Variants in ADHFE1 observed in about 807,000 individuals in gnomAD.
ADHFE1 encodes the protein alcohol dehydrogenase iron containing 1.
In ADHFE1, 37 loss-of-function variants were observed where a neutral mutation model predicts 54.8. The ratio of observed to expected loss-of-function variants is 0.68; its 90% CI spans 0.52 to 0.89. The LOEUF is 0.89. Ranked by LOEUF, ADHFE1 falls within the 40% of genes least tolerant of loss-of-function variation. ADHFE1 has a pLI of 0.00. For synonymous variants in ADHFE1, 203 were observed against 229.3 expected (o/e 0.89, Z 1.04); for missense variants, 601 against 591.2 (o/e 1.02, Z -0.17).
At chr8:66,460,593 C>A (rs1257940166) in intron 13 of ADHFE1, 128 bp downstream of exon 13, 6 of 1,090,174 alleles carry the variant, frequency 5.5e-6, no homozygotes, top group Non-Finnish European at 7.7e-6. Flanking sequence ...GTCTCCTCCA[C>A]AGCAGACAGC....
At chr8:66,433,216 G>A (rs1239126598) in intron 1 of ADHFE1, among the ~76,000 whole-genome samples, 1 of 152,174 alleles carries the variant, frequency 6.6e-6, no homozygotes, top group Non-Finnish European at 1.5e-5. Flanking sequence ...GTCTGCCTGG[G>A]AAACATGGAA....
At chr8:66,433,021 C>A in intron 1 of ADHFE1, 1 of 475,558 alleles carries the variant, frequency 2.1e-6, no homozygotes, top group Non-Finnish European at 2.8e-6. Flanking sequence ...GGGGACGAGG[C>A]TAAAACCGGC....
At chr8:66,435,569 C>G (rs1453888076) in intron 1 of ADHFE1, among the ~76,000 whole-genome samples, 1 of 149,378 alleles carries the variant, frequency 6.7e-6, no homozygotes, top group Non-Finnish European at 1.5e-5. Flanking sequence ...AGGGCCCACA[C>G]AGATCATCCA....
At chr8:66,445,090 G>C in intron 5 of ADHFE1, 128 bp from the exon 6 acceptor site, 1 of 898,670 alleles carries the variant, frequency 1.1e-6, no homozygotes, top group Non-Finnish European at 1.6e-6. Context: ...AACAGAATGA[G>C]ACTCCGTCTC....
chr8:66,439,585 G>T lies in ADHFE1; in HGVS notation c.60-577G>T, dbSNP rs370851456. Reference sequence around the variant, plus strand: ...CTCTGGGGAGCGGCGCGGCGGGGACGGAGGAGAGCTCGGAGCCCGGGGCTG... The same window carrying T: ...CTCTGGGGAGCGGCGCGGCGGGGACTGAGGAGAGCTCGGAGCCCGGGGCTG... On this transcript the variant is annotated intron_variant, in intron 1 of 13. Transcript: ENST00000396623. The surrounding 1 kb of genome is among the most constrained non-coding windows in gnomAD (Gnocchi z 4.4). The T allele has an allele frequency of 5.4e-5, 53 of 985,928 alleles. No individual in the cohort carries two copies. In the African/African-American group the frequency reaches 8.2e-4, roughly 15 times the overall value. The allele number at this position is 985,928 out of a possible 1,614,324, so 61.1% of individuals were successfully genotyped here. A position where few individuals can be genotyped will look rare whatever the true frequency, so the allele number is the denominator to read the frequency against.
chr8:66,453,830 C>T, intron 9 of ADHFE1: 1 of 1,482,714 alleles, frequency 6.7e-7, no homozygotes, highest in Non-Finnish European at 9.1e-7. Flanking sequence ...ATCACATGAG[C>T]AGCTGACAGC....
At chr8:66,441,680 T>G (rs1206661318) in intron 2 of ADHFE1, among the ~76,000 whole-genome samples, 1 of 152,168 alleles carries the variant, frequency 6.6e-6, no homozygotes, top group Non-Finnish European at 1.5e-5. Flanking sequence ...CCTAATCCTT[T>G]GCAAGGAAAT....
chr8:66,443,829 A>G (rs566298803), intron 3 of ADHFE1, among the ~76,000 whole-genome samples: 160 of 152,324 alleles, frequency 1.1e-3, no homozygotes, highest in Non-Finnish European at 2.2e-3. Flanking sequence ...CAATTCAAAA[A>G]AAAAAAGAAA....
intron 13 of ADHFE1, among the ~76,000 whole-genome samples, chr8:66,464,819 T>C (rs1227074410): frequency 1.3e-5 from 2 of 152,210 alleles, no homozygotes; most frequent in Non-Finnish European, 2.9e-5. Context: ...TCAGAACTCT[T>C]TTTTTAATCA....
intron 8 of ADHFE1, among the ~76,000 whole-genome samples, chr8:66,451,668 A>G (rs949182536): frequency 3.9e-5 from 6 of 152,248 alleles, no homozygotes; most frequent in Admixed American, 3.3e-4. Flanking sequence ...ATTCGACACC[A>G]TAAAAATGTA....
intron 9 of ADHFE1, chr8:66,453,784 C>G: frequency 7.0e-7 from 1 of 1,418,810 alleles, no homozygotes; most frequent in South Asian, 1.1e-5. Flanking sequence ...CCTCGCCATC[C>G]AGGGACCAGC....
At chr8:66,468,124 T>A in intron 13 of ADHFE1, 145 bp from the exon 14 acceptor site, 1 of 560,484 alleles carries the variant, frequency 1.8e-6, no homozygotes. Flanking sequence ...TCAACTCATA[T>A]GAAGTATACA....
At chr8:66,449,039 C>A in intron 8 of ADHFE1, 69 bp downstream of exon 8, 1 of 1,347,082 alleles carries the variant, frequency 7.4e-7, no homozygotes, top group Non-Finnish European at 1.1e-6. Context: ...TGTTGCTCAA[C>A]GCACATGCTA....
Position 66,439,550 on chromosome 8 carries a change from C to G in ADHFE1, c.60-612C>G. 1.0e-6 allele frequency: 1 copy of G among 985,722 alleles called. No individual in the cohort carries two copies. The highest frequency in any genetic ancestry group is 4.7e-5 in the South Asian group (1 of 21,266). 61.1% of individuals were successfully genotyped at this position (985,722 alleles called of 1,614,324 possible). On this transcript the variant is annotated intron_variant, in intron 1 of 13. Coordinates refer to ENST00000396623, the MANE Select transcript of ADHFE1 (RefSeq NM_144650.3). The surrounding 1 kb of genome is among the most constrained non-coding windows in gnomAD (Gnocchi z 4.4). ...CCTCGGAGCGCACCGGGTGTGCGCG[C>G]AGCTGGGGCCTCTGGGGAGCGGCGC...
At chr8:66,447,728 A>G (rs1806103355) in intron 7 of ADHFE1, among the ~76,000 whole-genome samples, 1 of 152,240 alleles carries the variant, frequency 6.6e-6, no homozygotes, top group African/African-American at 2.4e-5. Flanking sequence ...TTCCTTTTCC[A>G]AGTACATATA....
At chr8:66,449,007 A>ATC in intron 8 of ADHFE1, 37 bp downstream of exon 8, 1 of 1,552,652 alleles carries the variant, frequency 6.4e-7, no homozygotes, top group Admixed American at 1.7e-5. Context: ...CTTTTTTAGT[A>ATC]CTGGGTCTAT....
chr8:66,432,704 C>T (rs918186967), intron 1 of ADHFE1, 129 bp downstream of exon 1: 3 of 1,233,570 alleles, frequency 2.4e-6, no homozygotes, highest in South Asian at 4.0e-5. Context: ...TGGATACCGC[C>T]CTGGGCTCCC....
At chr8:66,442,762 A>T in intron 2 of ADHFE1, 36 bp from the exon 3 acceptor site, 7 of 1,560,590 alleles carry the variant, frequency 4.5e-6, no homozygotes, top group Non-Finnish European at 6.1e-6. Flanking sequence ...GCTTTTTTTT[A>T]AAGACCCACT....
At chr8:66,462,523 G>A (rs1307548154) in intron 13 of ADHFE1, among the ~76,000 whole-genome samples, 1 of 152,172 alleles carries the variant, frequency 6.6e-6, no homozygotes, top group African/African-American at 2.4e-5. Context: ...AAGTCCTAGG[G>A]TTATAGATAT....
Sources: allele counts gnomAD v4.1 joint callset (sites outside exome capture counted in the v4.1 genomes callset), GRCh38; gene constraint gnomAD v4.1.1; non-coding constraint Gnocchi (gnomAD v3.1); transcripts MANE v1.5; gene names NCBI Gene and HGNC (gene_info 2026-07-23, HGNC 2026-07-21).